THSD4: variants seen among roughly 807,000 people sequenced by gnomAD.
THSD4 encodes the protein thrombospondin type 1 domain containing 4, also known as thrombospondin type-1 domain-containing protein 4.
Under a neutral mutation model 119.0 loss-of-function variants are expected in THSD4, and 69 were observed. That is an observed-to-expected ratio of 0.58 (90% CI 0.48 to 0.71). The LOEUF is 0.71. Ranked by LOEUF, THSD4 falls within the 30% of genes least tolerant of loss-of-function variation. The probability of loss-of-function intolerance (pLI) is 0.00; values close to 1 mark genes in which losing one functional copy is unlikely to be tolerated. For missense variants in THSD4, 1,393 were observed against 1,391.1 expected (o/e 1.00, Z -0.02); for synonymous variants, 524 against 540.4 (o/e 0.97, Z 0.42).
chr15:71,524,695 C>T lies in THSD4; in HGVS notation c.1152+112872C>T, dbSNP rs183224619. 4.6e-3 allele frequency among the ~76,000 whole-genome samples: 628 copies of T among 136,442 alleles called. 4 individuals are homozygous for T. Among genetic ancestry groups the T allele is most frequent in the African/African-American group, 0.015 (574 of 38,128 alleles). The allele number at this position is 136,442 out of a possible 152,430, so 89.5% of individuals were successfully genotyped here. A position where few individuals can be genotyped will look rare whatever the true frequency, so the allele number is the denominator to read the frequency against. ...CACTGCAAACTCCGCCTCCTGGGTT[C>T]ATGCCATTCTCCTACCTCAGCCTCC... On this transcript the variant is annotated intron_variant, in intron 7 of 17. Coordinates refer to ENST00000261862, the MANE Select transcript of THSD4 (RefSeq NM_024817.3).
intron 7 of THSD4, among the ~76,000 whole-genome samples, chr15:71,584,610 A>G (rs2049628648): frequency 6.6e-6 from 1 of 152,192 alleles, no homozygotes; most frequent in Non-Finnish European, 1.5e-5. Context: ...CCTTAAAGCT[A>G]AAATGAATCT....
At chr15:71,528,047 C>A (rs2048552574) in intron 7 of THSD4, among the ~76,000 whole-genome samples, 1 of 152,086 alleles carries the variant, frequency 6.6e-6, no homozygotes, top group Non-Finnish European at 1.5e-5. Flanking sequence ...CCTGATATAT[C>A]CTAGGTATAA....
intron 6 of THSD4, among the ~76,000 whole-genome samples, chr15:71,325,790 G>A (rs376045685): frequency 1.1e-4 from 16 of 152,194 alleles, no homozygotes; most frequent in East Asian, 9.6e-4. Flanking sequence ...TGACTTTTAT[G>A]TATGACACTA....
chr15:71,413,074 C>G (rs987058221), intron 7 of THSD4, among the ~76,000 whole-genome samples: 1 of 152,124 alleles, frequency 6.6e-6, no homozygotes, highest in African/African-American at 2.4e-5. Context: ...TGCAGTGGCA[C>G]AATCTCAGCT....
intron 3 of THSD4, among the ~76,000 whole-genome samples, chr15:71,164,268 C>A (rs2043271052): frequency 6.6e-6 from 1 of 151,000 alleles, no homozygotes. Flanking sequence ...AGCTTCCCCT[C>A]AAGAAGAAAA....
At chr15:71,634,200 A>G (rs1474719142) in intron 7 of THSD4, among the ~76,000 whole-genome samples, 1 of 150,668 alleles carries the variant, frequency 6.6e-6, no homozygotes, top group African/African-American at 2.4e-5. Flanking sequence ...AAAAAAAAAA[A>G]AAAGAAAAAG....
intron 6 of THSD4, among the ~76,000 whole-genome samples, chr15:71,296,450 A>G (rs1399643785): frequency 6.6e-6 from 1 of 152,254 alleles, no homozygotes; most frequent in South Asian, 2.1e-4. Flanking sequence ...TGACCTCTGA[A>G]GCCTCCCTAA....
At chr15:71,486,053 T>A (rs1351356479) in intron 7 of THSD4, among the ~76,000 whole-genome samples, 1 of 152,192 alleles carries the variant, frequency 6.6e-6, no homozygotes, top group African/African-American at 2.4e-5. Flanking sequence ...AATAATTGCA[T>A]GAGTAAGAGG....
intron 7 of THSD4, among the ~76,000 whole-genome samples, chr15:71,613,363 T>G (rs1480929868): frequency 1.2e-4 from 19 of 152,202 alleles, no homozygotes; most frequent in Non-Finnish European, 1.3e-4. Context: ...ATCCATTGTT[T>G]GTTTTTTCAA....
chr15:71,547,519 T>C (rs1166327236), intron 7 of THSD4: 1 of 1,547,584 alleles, frequency 6.5e-7, no homozygotes. Flanking sequence ...AGTTGTATTT[T>C]TTTTCAGCAT....
At chr15:71,112,941 G>A (rs1399049688), upstream of THSD4, among the ~76,000 whole-genome samples, 3 of 152,192 alleles carry the variant, frequency 2.0e-5, no homozygotes, top group Non-Finnish European at 2.9e-5. Context: ...CACTTTGGGA[G>A]GCCAAGAACG....
At chr15:71,120,058 T>C (rs2040396168) in intron 1 of THSD4, among the ~76,000 whole-genome samples, 1 of 152,226 alleles carries the variant, frequency 6.6e-6, no homozygotes, top group African/African-American at 2.4e-5. Context: ...CTCAATGTAT[T>C]GCTGTAACAA....
At chr15:71,158,215 G>A (rs1380175603) in intron 3 of THSD4, among the ~76,000 whole-genome samples, 2 of 145,432 alleles carry the variant, frequency 1.4e-5, no homozygotes, top group African/African-American at 2.6e-5. Flanking sequence ...GTGCAGTGGC[G>A]CGATCTCAGC....
At chr15:71,486,611 G>GTTT (rs200120589) in intron 7 of THSD4, among the ~76,000 whole-genome samples, 2 of 131,750 alleles carry the variant, frequency 1.5e-5, no homozygotes, top group African/African-American at 5.9e-5. Context: ...TTTCTTTTCT[G>GTTT]TTTTTTTTTT....
intron 8 of THSD4, among the ~76,000 whole-genome samples, chr15:71,723,047 G>A (rs1049660980): frequency 2.0e-5 from 3 of 148,920 alleles, no homozygotes; most frequent in Non-Finnish European, 4.4e-5. Flanking sequence ...CTTAAGCAAC[G>A]TTCTATGGAT....
chr15:71,132,262 G>T (rs1412118785), intron 1 of THSD4, among the ~76,000 whole-genome samples: 1 of 152,144 alleles, frequency 6.6e-6, no homozygotes, highest in Non-Finnish European at 1.5e-5. Context: ...AGCAAATAAG[G>T]AATTTTATAC....
At chr15:71,736,643 C>G (rs772350059) in intron 10 of THSD4, among the ~76,000 whole-genome samples, 2 of 152,010 alleles carry the variant, frequency 1.3e-5, no homozygotes. Context: ...CTTGCTCTCT[C>G]TCTCCCTTGC....
intron 7 of THSD4, among the ~76,000 whole-genome samples, chr15:71,610,429 C>G (rs1311761952): frequency 6.6e-6 from 1 of 152,044 alleles, no homozygotes; most frequent in East Asian, 1.9e-4. Flanking sequence ...TAGGAAGGCA[C>G]TGGGGCATAC....
Position 71,411,798 on chromosome 15 carries a change from C to T in THSD4, c.1127C>T (p.Ala376Val). 1 of 1,614,054 alleles carries T rather than the reference C, an allele frequency of 6.2e-7. No homozygotes were observed. The highest frequency in any genetic ancestry group is 1.7e-5 in the Admixed American group (1 of 60,016). The part of the protein sequence containing the change: ...DGTPCDQNGT[A>V]ICVSGQCKSI... Reference sequence around the variant, plus strand: ...ACCCCCTGTGACCAGAACGGCACGGCCATCTGTGTGTCTGGGCAGTGCAAG... The same window carrying T: ...ACCCCCTGTGACCAGAACGGCACGGTCATCTGTGTGTCTGGGCAGTGCAAG... The change falls in exon 7 of 18, where the codon GCC (alanine) becomes GTC (valine). Residue 376 changes from alanine (A) to valine (V), a missense_variant. Physicochemically the swap from Ala to Val is moderately conservative, Grantham distance 64. Transcript: ENST00000261862.
Sources: allele counts gnomAD v4.1 joint callset (sites outside exome capture counted in the v4.1 genomes callset), GRCh38; gene constraint gnomAD v4.1.1; transcripts MANE v1.5; gene names NCBI Gene and HGNC (gene_info 2026-07-23, HGNC 2026-07-21).